AP2A1: variants seen among roughly 807,000 people sequenced by gnomAD.
AP2A1 encodes adaptor related protein complex 2 subunit alpha 1.
AP2A1 carries 21 observed loss-of-function variants against 107.3 expected under a neutral mutation model. The observed-to-expected ratio is 0.20, with a 90% CI of 0.14 to 0.28. AP2A1 has a LOEUF of 0.28. Ranked by LOEUF, AP2A1 falls within the 10% of genes least tolerant of loss-of-function variation. The pLI is 1.00. For synonymous variants in AP2A1, 602 were observed against 564.8 expected, an observed-to-expected ratio of 1.07 and a Z score of -0.93; for missense variants, 873 against 1,307.7, an observed-to-expected ratio of 0.67 and a Z score of 5.13.
chr19:49,778,751 T>A (rs926291368), intron 1 of AP2A1, among the ~76,000 whole-genome samples: 2 of 152,166 alleles, frequency 1.3e-5, no homozygotes, highest in Non-Finnish European at 2.9e-5. Context: ...AATGTTGATA[T>A]GCGGGGCAGG....
intron 1 of AP2A1, among the ~76,000 whole-genome samples, chr19:49,777,617 A>C (rs1421842364): frequency 6.7e-6 from 1 of 150,100 alleles, no homozygotes; most frequent in African/African-American, 2.5e-5. Context: ...CCTGGGCGAC[A>C]AAGCGAGACT....
In AP2A1 at chr19:49,795,586, C is replaced by T. The variant is rs1435839680; in HGVS notation, c.706-44C>T. Reference sequence around the variant, plus strand: ...CCCTGGCATGTGGACCCACGTGCCCCTCCCACCCCAGCCCCCAACTTATTT... The same window carrying T: ...CCCTGGCATGTGGACCCACGTGCCCTTCCCACCCCAGCCCCCAACTTATTT... On this transcript the variant is annotated intron_variant, in intron 6 of 22. Transcript: ENST00000354293. 6.9e-6 allele frequency: 5 copies of T among 727,796 alleles called. 1 individual carries two copies. Among genetic ancestry groups the T allele is most frequent in the African/African-American group, 1.8e-5 (1 of 56,694 alleles). 45.1% of individuals were successfully genotyped at this position (727,796 alleles called of 1,614,324 possible). A position where few individuals can be genotyped will look rare whatever the true frequency, so the allele number is the denominator to read the frequency against.
At chr19:49,795,767 G>A (rs1043238159) in intron 7 of AP2A1, 29 bp downstream of exon 7, 36 of 1,487,978 alleles carry the variant, frequency 2.4e-5, no homozygotes, top group East Asian at 9.8e-5. Flanking sequence ...TCCCCAACCC[G>A]GGGTGGCCTG....
At position 49,801,435 on chromosome 19, in the gene AP2A1, C is replaced by T. The variant is rs1438915849; in HGVS notation, c.1599C>T (p.Cys533=). 1 of 1,613,698 alleles carries T rather than the reference C, an allele frequency of 6.2e-7. No individual in the cohort carries two copies. Among genetic ancestry groups the T allele is most frequent in the African/African-American group, 1.3e-5 (1 of 74,906 alleles). The change falls in exon 13 of 23, where the codon TGC becomes TGT. Residue 533 remains cysteine, a synonymous_variant. Transcript: ENST00000354293. The stretch of plus-strand genomic sequence containing the variant: ...TGCTCCACTCCAAGTTCCATCTGTG[C>T]AGCGTGGCCACGCGGGCGCTGCTGC... The part of the protein sequence containing the change: ...FSLLHSKFHL[C]SVATRALLLS...
chr19:49,802,619 G>T, intron 15 of AP2A1: 1 of 1,562,226 alleles, frequency 6.4e-7, no homozygotes, highest in South Asian at 1.2e-5. Context: ...GGCCTGGGGT[G>T]GGAGGTCGGT....
At chr19:49,803,720 G>A in intron 18 of AP2A1, 1 of 382,908 alleles carries the variant, frequency 2.6e-6, no homozygotes, top group South Asian at 2.2e-5. Context: ...AGGCCTGCGG[G>A]TCCAGACGCT....
chr19:49,789,139 A>G (rs2073110842), intron 4 of AP2A1, among the ~76,000 whole-genome samples: 1 of 152,104 alleles, frequency 6.6e-6, no homozygotes, highest in South Asian at 2.1e-4. Flanking sequence ...TGACTCGTGC[A>G]GGTCTCCCCT....
chr19:49,776,062 G>A (rs2084614011), intron 1 of AP2A1, among the ~76,000 whole-genome samples: 2 of 152,172 alleles, frequency 1.3e-5, no homozygotes, highest in Admixed American at 6.5e-5. Context: ...GGCCGCCTTC[G>A]CACCCGAACA....
chr19:49,771,707 C>T (rs1224855529), intron 1 of AP2A1, among the ~76,000 whole-genome samples: 3 of 152,038 alleles, frequency 2.0e-5, no homozygotes, highest in African/African-American at 7.2e-5. Context: ...CCGCGCCTGG[C>T]CGTATCTCGA....
chr19:49,791,580 G>A (rs1054977170), intron 4 of AP2A1, among the ~76,000 whole-genome samples: 3 of 152,174 alleles, frequency 2.0e-5, no homozygotes, highest in Non-Finnish European at 4.4e-5. Flanking sequence ...TGTAAGCCCT[G>A]TGAGGACAAG....
At chr19:49,803,528 G>C (rs1033020400) in intron 18 of AP2A1, 152 bp downstream of exon 18, 6 of 679,436 alleles carry the variant, frequency 8.8e-6, no homozygotes, top group Admixed American at 4.5e-5. Flanking sequence ...CTGTTAAGAT[G>C]GGGGTGGGAT....
chr19:49,781,830 G>A lies in AP2A1; in HGVS notation c.136+5G>A. 6.2e-7 allele frequency: 1 copy of A among 1,610,574 alleles called. No homozygotes were observed. Among genetic ancestry groups the A allele is most frequent in the Non-Finnish European group, 8.5e-7 (1 of 1,178,246 alleles). Reference sequence around the variant, plus strand: ...ACATCCGCTCCAAGTTCAAAGGTAGGCTGGGGGCCCAACTTCTGGTTCTGA... The same window carrying A: ...ACATCCGCTCCAAGTTCAAAGGTAGACTGGGGGCCCAACTTCTGGTTCTGA... On this transcript the variant is annotated splice_donor_5th_base_variant and intron_variant, in intron 2 of 22. Coordinates refer to ENST00000354293, the MANE Select transcript of AP2A1 (RefSeq NM_130787.3).
intron 4 of AP2A1, among the ~76,000 whole-genome samples, chr19:49,787,286 G>A (rs1245408337): frequency 1.3e-5 from 2 of 149,290 alleles, no homozygotes; most frequent in Non-Finnish European, 3.0e-5. Context: ...GCCTCCCAAA[G>A]TGTTGGGATT....
Position 49,767,116 on chromosome 19 carries a change from G to A in AP2A1, c.-18G>A. The A allele has an allele frequency of 1.2e-6, 2 of 1,610,256 alleles. No homozygotes were observed. The highest frequency in any genetic ancestry group is 1.7e-6 in the Non-Finnish European group (2 of 1,179,498). ...TGTGCCCTGTCCGGCCAGGCCTGGA[G>A]CCGACACCACCGCCATCATGCCGGC... On this transcript the variant is annotated 5_prime_UTR_variant, in exon 1 of 23. Transcript: ENST00000354293.
chr19:49,801,048 C>A lies in AP2A1; in HGVS notation c.1543C>A (p.Pro515Thr). ...GEFGNLIAGD[P>T]RSSPPVQFSL... Reference sequence around the variant, plus strand: ...GTTTGGGAACCTGATTGCTGGGGACCCCCGCTCCAGGTGAGGGAGCCTCAG... The same window carrying A: ...GTTTGGGAACCTGATTGCTGGGGACACCCGCTCCAGGTGAGGGAGCCTCAG... Residue 515 changes from proline to threonine, a missense_variant, in exon 12 of 23, where the codon CCC becomes ACC. Physicochemically the swap from Pro to Thr is conservative, Grantham distance 38 (BLOSUM62 -1). Coordinates refer to ENST00000354293, the MANE Select transcript of AP2A1 (RefSeq NM_130787.3). 2 of 1,605,146 alleles carry A rather than the reference C, an allele frequency of 1.2e-6. No homozygotes were observed. The highest frequency in any genetic ancestry group is 1.7e-6 in the Non-Finnish European group (2 of 1,176,144).
At chr19:49,770,961 C>T (rs141490321) in intron 1 of AP2A1, among the ~76,000 whole-genome samples, 2,644 of 152,248 alleles carry the variant, frequency 0.017, 30 homozygotes, top group Non-Finnish European at 0.026. Context: ...AGGCGATTCT[C>T]CTGCCTCAGC....
In AP2A1 at chr19:49,806,722, C is replaced by T; in HGVS notation, c.2832C>T (p.Ser944=). 1 of 1,613,628 alleles carries T rather than the reference C, an allele frequency of 6.2e-7. No individual in the cohort carries two copies. The highest frequency in any genetic ancestry group is 8.5e-7 in the Non-Finnish European group (1 of 1,179,882). ...LTLRTSKEPV[S]RHLCELLAQQ... The stretch of plus-strand genomic sequence containing the variant: ...TGCGCACCAGCAAGGAGCCCGTCTC[C>T]CGTCACCTGTGTGAGCTGCTGGCAC... The change falls in exon 23 of 23, where the codon TCC becomes TCT. Residue 944 remains serine, a synonymous_variant. Coordinates refer to ENST00000354293, the MANE Select transcript of AP2A1 (RefSeq NM_130787.3).
intron 6 of AP2A1, among the ~76,000 whole-genome samples, chr19:49,795,379 G>A (rs941995784): frequency 6.6e-6 from 1 of 152,116 alleles, no homozygotes; most frequent in Non-Finnish European, 1.5e-5. Flanking sequence ...TGCATTGGTC[G>A]GGCATGGTGG....
At position 49,805,593 on chromosome 19, in the gene AP2A1, G is replaced by A; in HGVS notation, c.2468+17G>A. ...GCGCTTCCGGTGAGTCAGGTACGGC[G>A]CGGCCGGTGGGCGGAGCCTCCGGGG... On this transcript the variant is annotated intron_variant, in intron 19 of 22. Coordinates refer to ENST00000354293, the MANE Select transcript of AP2A1 (RefSeq NM_130787.3). The A allele has an allele frequency of 6.4e-7, 1 of 1,563,852 alleles. No individual in the cohort carries two copies. Among genetic ancestry groups the A allele is most frequent in the Non-Finnish European group, 8.7e-7 (1 of 1,154,026 alleles).
Sources: allele counts gnomAD v4.1 joint callset (sites outside exome capture counted in the v4.1 genomes callset), GRCh38; gene constraint gnomAD v4.1.1; transcripts MANE v1.5; gene names NCBI Gene and HGNC (gene_info 2026-07-23, HGNC 2026-07-21).